The following LGSN variants were observed in gnomAD, a reference collection of about 807,000 sequenced individuals.
LGSN encodes lengsin, lens protein with glutamine synthetase domain, also known as lengsin.
Under a neutral mutation model 19.5 loss-of-function variants are expected in LGSN, and 21 were observed. The ratio of observed to expected loss-of-function variants is 1.07; its 90% CI spans 0.76 to 1.55. LGSN has a LOEUF of 1.55. Among genes scored for constraint, LGSN ranks in the 40% most tolerant of loss-of-function variants. The probability of loss-of-function intolerance (pLI) is 0.00; values close to 1 mark genes in which losing one functional copy is unlikely to be tolerated. For missense variants in LGSN, 673 were observed against 608.5 expected, an observed-to-expected ratio of 1.11 and a Z score of -1.12; for synonymous variants, 257 against 215.6, an observed-to-expected ratio of 1.19 and a Z score of -1.68.
the LGSN span, among the ~76,000 whole-genome samples, chr6:63,339,046 T>C: frequency 6.6e-6 from 1 of 152,224 alleles, no homozygotes; most frequent in Non-Finnish European, 1.5e-5. Context: ...CAACTTGATA[T>C]GATATTGACT....
At chr6:63,393,377 C>T in the LGSN span, among the ~76,000 whole-genome samples, 1 of 151,700 alleles carries the variant, frequency 6.6e-6, no homozygotes, top group African/African-American at 2.4e-5. Flanking sequence ...CAGGGTTTCA[C>T]CATGTTGGTC....
upstream of LGSN, among the ~76,000 whole-genome samples, chr6:63,324,303 G>A (rs925541334): frequency 4.0e-5 from 6 of 151,534 alleles, no homozygotes; most frequent in Non-Finnish European, 8.8e-5. Flanking sequence ...GAGTTCTATA[G>A]GAAACACTGT....
the LGSN span, among the ~76,000 whole-genome samples, chr6:63,355,660 G>A: frequency 6.6e-6 from 1 of 152,100 alleles, no homozygotes; most frequent in Non-Finnish European, 1.5e-5. Context: ...GCTTGTAGAT[G>A]CATCACTCCA....
At chr6:63,517,755 G>A in the LGSN span, among the ~76,000 whole-genome samples, 1 of 152,036 alleles carries the variant, frequency 6.6e-6, no homozygotes, top group South Asian at 2.1e-4. Context: ...AAAAATTAAG[G>A]AGCAGCCTTC....
the LGSN span, among the ~76,000 whole-genome samples, chr6:63,470,697 T>C: frequency 5.9e-5 from 9 of 152,022 alleles, no homozygotes; most frequent in East Asian, 1.9e-4. Context: ...TTGTTCTTGG[T>C]TGGGGAGCCG....
In LGSN at chr6:63,280,115, G is replaced by C. The variant is rs774957586; in HGVS notation, c.1436C>G (p.Thr479Ser). Reference sequence around the variant, plus strand: ...CATGGCAACAAAATATCGAATAAAGGTTTCTCCTAGAGCCTGTCTCAGGCA... The same window carrying C: ...CATGGCAACAAAATATCGAATAAAGCTTTCTCCTAGAGCCTGTCTCAGGCA... ...DQCLRQALGE[T>S]FIRYFVAMKK... The change falls in exon 4 of 4, where the codon ACC becomes AGC. Residue 479 changes from threonine to serine, a missense_variant. Thr to Ser is a moderately conservative substitution (Grantham distance 58). Transcript: ENST00000370657. 1 of 1,614,122 alleles carries C rather than the reference G, an allele frequency of 6.2e-7. No individual in the cohort carries two copies. Among genetic ancestry groups the C allele is most frequent in the Non-Finnish European group, 8.5e-7 (1 of 1,180,022 alleles).
chr6:63,556,777 G>A, the LGSN span, among the ~76,000 whole-genome samples: 7 of 152,112 alleles, frequency 4.6e-5, no homozygotes, highest in South Asian at 1.0e-3. Context: ...AAACAGTAAC[G>A]TAAAAGTGAG....
chr6:63,481,349 A>AT, the LGSN span, among the ~76,000 whole-genome samples: 309 of 147,868 alleles, frequency 2.1e-3, no homozygotes, highest in East Asian at 6.9e-3. Flanking sequence ...CCCAAAAGCT[A>AT]TTTTTTTTTT....
chr6:63,420,665 A>G, the LGSN span, among the ~76,000 whole-genome samples: 2 of 152,342 alleles, frequency 1.3e-5, no homozygotes, highest in East Asian at 3.9e-4. Context: ...GCAAAAGCCA[A>G]TTAAAACATA....
the LGSN span, among the ~76,000 whole-genome samples, chr6:63,388,885 C>A: frequency 2.6e-5 from 4 of 152,164 alleles, no homozygotes; most frequent in African/African-American, 9.7e-5. Context: ...GAGTTGAAAG[C>A]AGAATAGAAG....
At chr6:63,456,573 A>G in the LGSN span, among the ~76,000 whole-genome samples, 325 of 151,572 alleles carry the variant, frequency 2.1e-3, no homozygotes, top group Non-Finnish European at 5.7e-4. Context: ...TTATTAGTTC[A>G]TGTCACAGAA....
intron 1 of LGSN, among the ~76,000 whole-genome samples, chr6:63,318,880 AC>A (rs1241521433): frequency 6.6e-6 from 1 of 152,186 alleles, no homozygotes; most frequent in African/African-American, 2.4e-5. Context: ...TATGCTAATT[AC>A]CTTTACTTTC....
chr6:63,471,129 T>C, the LGSN span, among the ~76,000 whole-genome samples: 1 of 150,038 alleles, frequency 6.7e-6, no homozygotes, highest in African/African-American at 2.5e-5. Context: ...TTTTTTTTTT[T>C]GGTTGTTTTT....
the LGSN span, chr6:63,396,298 C>A: frequency 2.0e-5 from 4 of 203,818 alleles, no homozygotes; most frequent in South Asian, 2.4e-4. Context: ...CTGTCTAGGT[C>A]CCCTCTGTGA....
the LGSN span, chr6:63,570,911 T>C: frequency 6.6e-6 from 1 of 152,242 alleles, no homozygotes; most frequent in African/African-American, 2.4e-5. Context: ...GTCCCTTTTT[T>C]TCGACATGAG....
At chr6:63,520,322 G>A in the LGSN span, among the ~76,000 whole-genome samples, 1 of 152,090 alleles carries the variant, frequency 6.6e-6, no homozygotes, top group Non-Finnish European at 1.5e-5. Flanking sequence ...AGGAAAAATA[G>A]TAAAACACTA....
At chr6:63,495,624 A>G in the LGSN span, among the ~76,000 whole-genome samples, 1 of 150,378 alleles carries the variant, frequency 6.6e-6, no homozygotes, top group African/African-American at 2.4e-5. Context: ...TAATTTTTGT[A>G]TTTTTAGTGG....
chr6:63,288,334 G>A (rs974644816), intron 2 of LGSN, among the ~76,000 whole-genome samples: 1 of 151,112 alleles, frequency 6.6e-6, no homozygotes, highest in Non-Finnish European at 1.5e-5. Context: ...CATACTGAAC[G>A]TGTACCTAGG....
At chr6:63,302,504 A>G (rs887523955) in intron 1 of LGSN, among the ~76,000 whole-genome samples, 1 of 152,232 alleles carries the variant, frequency 6.6e-6, no homozygotes, top group African/African-American at 2.4e-5. Flanking sequence ...GGATAGGAAT[A>G]CTAAAAGCTC....
Sources: allele counts gnomAD v4.1 joint callset (sites outside exome capture counted in the v4.1 genomes callset), GRCh38; gene constraint gnomAD v4.1.1; transcripts MANE v1.5; gene names NCBI Gene and HGNC (gene_info 2026-07-23, HGNC 2026-07-21).